MYO1B: variants seen among roughly 807,000 people sequenced by gnomAD.
MYO1B encodes myosin IB.
In MYO1B, 72 loss-of-function variants were observed where a neutral mutation model predicts 159.7. That is an observed-to-expected ratio of 0.45 (90% CI 0.37 to 0.55). The LOEUF is 0.55. Among genes scored for constraint, MYO1B ranks in the 20% least tolerant of loss-of-function variants. MYO1B has a pLI of 0.00. For missense variants in MYO1B, 1,062 were observed against 1,364.8 expected, an observed-to-expected ratio of 0.78 and a Z score of 3.50; for synonymous variants, 468 against 473.8, an observed-to-expected ratio of 0.99 and a Z score of 0.16.
intron 13 of MYO1B, chr2:191,371,121 C>T (rs1332433109): frequency 1.3e-5 from 2 of 152,150 alleles, no homozygotes; most frequent in African/African-American, 4.8e-5. Context: ...TTTATTCTCA[C>T]TTTTAGGAGT....
At chr2:191,393,256 CAA>C (rs1559229295) in intron 20 of MYO1B, 34 bp downstream of exon 20, 2 of 1,605,932 alleles carry the variant, frequency 1.2e-6, no homozygotes, top group Admixed American at 3.4e-5. Flanking sequence ...TCAGTAATAA[CAA>C]TGCTAATTTG....
intron 1 of MYO1B, among the ~76,000 whole-genome samples, chr2:191,271,277 TTATAA>T (rs1194701284): frequency 6.6e-6 from 1 of 152,224 alleles, no homozygotes; most frequent in Non-Finnish European, 1.5e-5. Context: ...GCTAATGATG[TTATAA>T]TATATGTGTT....
intron 10 of MYO1B, 95 bp downstream of exon 10, chr2:191,363,970 T>G (rs747889142): frequency 6.7e-7 from 1 of 1,494,254 alleles, no homozygotes; most frequent in Non-Finnish European, 9.3e-7. Context: ...TTGCTTTGCA[T>G]TGGTTTGAGA....
chr2:191,345,360 G>A (rs1378269073), intron 5 of MYO1B, among the ~76,000 whole-genome samples: 1 of 152,174 alleles, frequency 6.6e-6, no homozygotes, highest in Non-Finnish European at 1.5e-5. Flanking sequence ...TTATGTTTAG[G>A]CTACTTAATC....
intron 6 of MYO1B, 62 bp downstream of exon 6, chr2:191,346,344 C>T: frequency 8.9e-7 from 1 of 1,120,036 alleles, no homozygotes; most frequent in Non-Finnish European, 1.2e-6. Context: ...GTTTAAACAA[C>T]CAGTAGATGT....
At chr2:191,318,429 A>G (rs1690491546) in intron 3 of MYO1B, among the ~76,000 whole-genome samples, 1 of 152,216 alleles carries the variant, frequency 6.6e-6, no homozygotes, top group Non-Finnish European at 1.5e-5. Flanking sequence ...TTGAAGGTAC[A>G]AGCTTGTATC....
chr2:191,322,216 GTT>G (rs1434821166), intron 3 of MYO1B, among the ~76,000 whole-genome samples: 1 of 152,144 alleles, frequency 6.6e-6, no homozygotes, highest in Non-Finnish European at 1.5e-5. Flanking sequence ...TTTGAAGCAA[GTT>G]TCAGAAGGAA....
chr2:191,257,304 G>C (rs1451546864), intron 1 of MYO1B, among the ~76,000 whole-genome samples: 1 of 152,148 alleles, frequency 6.6e-6, no homozygotes, highest in Non-Finnish European at 1.5e-5. Flanking sequence ...AAAGCACCAG[G>C]AATCTTGGAA....
intron 24 of MYO1B, among the ~76,000 whole-genome samples, chr2:191,407,422 ATAAT>A (rs1418100515): frequency 6.6e-6 from 1 of 152,254 alleles, no homozygotes; most frequent in Admixed American, 6.5e-5. Flanking sequence ...ATTTAACTAT[ATAAT>A]TTATTCATTT....
intron 4 of MYO1B, among the ~76,000 whole-genome samples, chr2:191,333,449 T>G (rs979729421): frequency 6.6e-6 from 1 of 152,196 alleles, no homozygotes; most frequent in Non-Finnish European, 1.5e-5. Context: ...ATCCTTGATT[T>G]CTTCCTTTCC....
intron 1 of MYO1B, among the ~76,000 whole-genome samples, chr2:191,272,989 C>T (rs1344042169): frequency 6.6e-6 from 1 of 152,140 alleles, no homozygotes. Flanking sequence ...ACAGCTTAGA[C>T]AATAAAGAGA....
At chr2:191,378,952 T>C (rs145282181) in intron 13 of MYO1B, among the ~76,000 whole-genome samples, 1,682 of 152,292 alleles carry the variant, frequency 0.011, 28 homozygotes, top group Non-Finnish European at 0.012. Context: ...ATTAGAAGCA[T>C]TGGATTTTGA....
chr2:191,346,726 TG>T (rs759516022), intron 6 of MYO1B, among the ~76,000 whole-genome samples: 4 of 152,198 alleles, frequency 2.6e-5, no homozygotes, highest in Non-Finnish European at 5.9e-5. Context: ...TCCATAGGCT[TG>T]GCAACAAAAG....
At position 191,268,369 on chromosome 2, in the gene MYO1B, C is replaced by T. The variant is rs1431751424; in HGVS notation, c.-9-8518C>T. ...GACACCAATCTCTTCATGGGGGCCT[C>T]ACCCTCCTGACTGCATCTAAACCAA... On this transcript the variant is annotated intron_variant, in intron 1 of 30. Coordinates refer to ENST00000392318, the MANE Select transcript of MYO1B (RefSeq NM_001130158.3). Among the ~76,000 whole-genome samples, 6 of 152,312 alleles carry T rather than the reference C, an allele frequency of 3.9e-5. No individual in the cohort carries two copies. In the South Asian group the frequency reaches 1.2e-3, roughly 32 times the overall value.
At chr2:191,348,814 A>G (rs144303896) in intron 6 of MYO1B, among the ~76,000 whole-genome samples, 77 of 152,232 alleles carry the variant, frequency 5.1e-4, no homozygotes, top group African/African-American at 1.8e-3. Flanking sequence ...GGCAGGTTTG[A>G]TCATGGCATC....
chr2:191,377,293 G>A (rs187043857), intron 13 of MYO1B, among the ~76,000 whole-genome samples: 34 of 152,274 alleles, frequency 2.2e-4, no homozygotes, highest in South Asian at 6.2e-4. Context: ...CTTGTTTGAA[G>A]ATGTTTCTAA....
chr2:191,308,729 A>G (rs2125853533), intron 3 of MYO1B, among the ~76,000 whole-genome samples: 1 of 152,196 alleles, frequency 6.6e-6, no homozygotes, highest in Non-Finnish European at 1.5e-5. Context: ...TTGGGCTTTC[A>G]TCTCCCACTC....
At chr2:191,363,689 A>G (rs755346537) in intron 9 of MYO1B, 39 bp from the exon 10 acceptor site, 30 of 1,564,440 alleles carry the variant, frequency 1.9e-5, no homozygotes, top group Admixed American at 6.5e-5. Flanking sequence ...GAAAATAACT[A>G]TAAGAAAAAA....
chr2:191,330,491 A>G (rs1435459238), intron 4 of MYO1B, among the ~76,000 whole-genome samples: 2 of 152,228 alleles, frequency 1.3e-5, no homozygotes, highest in Non-Finnish European at 2.9e-5. Context: ...TGAGATTTTT[A>G]TATGTATTTT....
Sources: allele counts gnomAD v4.1 joint callset (sites outside exome capture counted in the v4.1 genomes callset), GRCh38; gene constraint gnomAD v4.1.1; transcripts MANE v1.5; gene names NCBI Gene and HGNC (gene_info 2026-07-23, HGNC 2026-07-21).